EYS: variants seen among roughly 807,000 people sequenced by gnomAD.
EYS encodes protein eyes shut homolog.
A neutral mutation model predicts 282.1 loss-of-function variants in EYS; 250 were observed. That is an observed-to-expected ratio of 0.89 (90% CI 0.80 to 0.98). The LOEUF (loss-of-function observed/expected upper bound fraction) is 0.98, where lower values mean the gene tolerates loss of function less well. EYS is among the 50% of genes least tolerant of loss of function. The probability of loss-of-function intolerance (pLI) is 0.00; values close to 1 mark genes in which losing one functional copy is unlikely to be tolerated. For synonymous variants in EYS, 1,355 were observed against 1,282.9 expected, an observed-to-expected ratio of 1.06 and a Z score of -1.20; for missense variants, 4,016 against 3,709.0, an observed-to-expected ratio of 1.08 and a Z score of -2.15.
intron 12 of EYS, among the ~76,000 whole-genome samples, chr6:65,245,544 T>C (rs1767157294): frequency 6.6e-6 from 1 of 152,066 alleles, no homozygotes; most frequent in Admixed American, 6.6e-5. Flanking sequence ...CTTATTATTC[T>C]CATATCAAGG....
At chr6:63,872,858 T>G (rs900570999) in intron 35 of EYS, among the ~76,000 whole-genome samples, 3 of 152,038 alleles carry the variant, frequency 2.0e-5, no homozygotes, top group African/African-American at 7.2e-5. Flanking sequence ...TATTAAACTT[T>G]CCTAAATTAC....
intron 2 of EYS, among the ~76,000 whole-genome samples, chr6:65,564,386 A>G (rs1210274579): frequency 1.3e-5 from 2 of 152,194 alleles, no homozygotes; most frequent in Non-Finnish European, 2.9e-5. Context: ...CTACAAGCCT[A>G]CAGTAACGAA....
At chr6:64,535,896 A>C (rs1764503155) in intron 26 of EYS, among the ~76,000 whole-genome samples, 1 of 152,152 alleles carries the variant, frequency 6.6e-6, no homozygotes, top group Non-Finnish European at 1.5e-5. Context: ...AAGTTCAAGA[A>C]CATTGATATA....
chr6:64,127,848 A>G (rs1440934971), intron 31 of EYS, among the ~76,000 whole-genome samples: 1 of 152,186 alleles, frequency 6.6e-6, no homozygotes, highest in African/African-American at 2.4e-5. Context: ...TATTTTCCAT[A>G]TACTTATTAT....
At chr6:64,913,520 G>C (rs527737300) in intron 15 of EYS, among the ~76,000 whole-genome samples, 2 of 152,118 alleles carry the variant, frequency 1.3e-5, no homozygotes. Context: ...TAGATTTTCT[G>C]TTTCTGCATT....
chr6:65,181,850 C>T (rs140125585), intron 12 of EYS, among the ~76,000 whole-genome samples: 2,414 of 152,160 alleles, frequency 0.016, 36 homozygotes, highest in African/African-American at 0.042. Flanking sequence ...AAATGTGTCA[C>T]ATATACACCA....
intron 31 of EYS, among the ~76,000 whole-genome samples, chr6:64,173,587 T>C (rs988079280): frequency 6.6e-6 from 1 of 152,200 alleles, no homozygotes; most frequent in African/African-American, 2.4e-5. Flanking sequence ...GATGGATTTT[T>C]GTAAAGGCCA....
chr6:63,821,785 C>A (rs1431900896), intron 36 of EYS: 1 of 152,198 alleles, frequency 6.6e-6, no homozygotes, highest in Non-Finnish European at 1.5e-5. Context: ...GGGGAAGGAG[C>A]AAACAACCAG....
intron 22 of EYS, among the ~76,000 whole-genome samples, chr6:64,696,448 A>C (rs1396686202): frequency 2.6e-5 from 4 of 152,214 alleles, no homozygotes; most frequent in Non-Finnish European, 4.4e-5. Flanking sequence ...TATTTAAGAA[A>C]AAGCTTTCTT....
chr6:64,388,562 T>A (rs893433368), intron 29 of EYS, 128 bp downstream of exon 29: 4 of 803,398 alleles, frequency 5.0e-6, no homozygotes, highest in Non-Finnish European at 5.5e-6. Flanking sequence ...CAAAAACTTT[T>A]TTGAAACCAT....
chr6:65,585,747 C>T (rs1281822706), intron 2 of EYS, among the ~76,000 whole-genome samples: 1 of 151,442 alleles, frequency 6.6e-6, no homozygotes, highest in Non-Finnish European at 1.5e-5. Context: ...ATGAGTTTTA[C>T]CTAGAAAAGA....
chr6:65,676,711 G>T (rs1361069804), intron 1 of EYS, among the ~76,000 whole-genome samples: 2 of 151,692 alleles, frequency 1.3e-5, no homozygotes, highest in East Asian at 3.9e-4. Context: ...ATTTTATGAG[G>T]CCAGCCTTAT....
At chr6:65,439,623 A>G (rs1768226380) in intron 5 of EYS, among the ~76,000 whole-genome samples, 1 of 152,100 alleles carries the variant, frequency 6.6e-6, no homozygotes, top group African/African-American at 2.4e-5. Flanking sequence ...TGTGAATGGG[A>G]GTTCACTCAT....
At chr6:64,513,525 ACTGTCC>A (rs1777469907) in intron 26 of EYS, among the ~76,000 whole-genome samples, 1 of 151,940 alleles carries the variant, frequency 6.6e-6, no homozygotes, top group South Asian at 2.1e-4. Flanking sequence ...AAAATATTTT[ACTGTCC>A]CTACAACAAA....
chr6:64,337,876 C>T (rs1257082807), intron 29 of EYS, among the ~76,000 whole-genome samples: 3 of 151,940 alleles, frequency 2.0e-5, no homozygotes, highest in East Asian at 1.9e-4. Flanking sequence ...TAAAAAGAAA[C>T]ATCACATGAT....
intron 22 of EYS, among the ~76,000 whole-genome samples, chr6:64,632,072 T>A (rs1027465035): frequency 7.7e-6 from 1 of 130,600 alleles, no homozygotes; most frequent in African/African-American, 2.8e-5. Flanking sequence ...ATGTTATGAC[T>A]TTTTATATCT....
intron 7 of EYS, among the ~76,000 whole-genome samples, chr6:65,385,499 T>C (rs1217175506): frequency 2.0e-5 from 3 of 151,966 alleles, no homozygotes; most frequent in Non-Finnish European, 4.4e-5. Flanking sequence ...ATCCACTTTT[T>C]TTCAGCACCC....
At chr6:65,415,984 G>T (rs1767216873) in intron 5 of EYS, among the ~76,000 whole-genome samples, 1 of 151,914 alleles carries the variant, frequency 6.6e-6, no homozygotes, top group African/African-American at 2.4e-5. Context: ...AATTTTGCAG[G>T]GGGTTACAAC....
At chr6:64,672,362 T>G (rs569816399) in intron 22 of EYS, among the ~76,000 whole-genome samples, 1 of 152,128 alleles carries the variant, frequency 6.6e-6, no homozygotes, top group Non-Finnish European at 1.5e-5. Flanking sequence ...GTTCTCTTTT[T>G]TCCCCTGTCA....
Sources: gnomAD v4.1 joint callset for allele counts (sites outside exome capture counted in the v4.1 genomes callset) on GRCh38, gnomAD v4.1.1 for gene constraint, MANE v1.5 for transcripts, NCBI Gene and HGNC (gene_info 2026-07-23, HGNC 2026-07-21) for gene names.